Variants in TINAG observed in about 807,000 individuals in gnomAD.
TINAG encodes tubulointerstitial nephritis antigen.
Under a neutral mutation model 72.7 loss-of-function variants are expected in TINAG, and 83 were observed. The observed-to-expected ratio is 1.14, with a 90% confidence interval of 0.96 to 1.37. The LOEUF (loss-of-function observed/expected upper bound fraction) is 1.37, where lower values mean the gene tolerates loss of function less well. Among genes scored for constraint, TINAG ranks in the 40% most tolerant of loss-of-function variants. The pLI is 0.00. For synonymous variants in TINAG, 234 were observed against 189.9 expected (o/e 1.23, Z -1.91); for missense variants, 685 against 576.6 (o/e 1.19, Z -1.93).
At chr6:54,320,973 A>G (rs2150935713) in intron 2 of TINAG, among the ~76,000 whole-genome samples, 1 of 152,278 alleles carries the variant, frequency 6.6e-6, no homozygotes, top group South Asian at 2.1e-4. Flanking sequence ...AACTATATAA[A>G]AACAGGCTGC....
intron 6 of TINAG, among the ~76,000 whole-genome samples, chr6:54,349,087 T>C (rs12215230): frequency 0.38 from 57,532 of 151,792 alleles, 13,215 homozygotes; most frequent in Middle Eastern, 0.55. Context: ...ATCAAAATCA[T>C]TTTCTCTTTT....
chr6:54,339,622 TTACTC>T (rs915299622), intron 4 of TINAG, among the ~76,000 whole-genome samples: 18 of 152,110 alleles, frequency 1.2e-4, no homozygotes, highest in East Asian at 3.9e-4. Flanking sequence ...CATTAAAAGA[TTACTC>T]TATTATAAAA....
intron 4 of TINAG, among the ~76,000 whole-genome samples, chr6:54,331,006 A>G (rs1426599648): frequency 6.6e-6 from 1 of 152,200 alleles, no homozygotes. Flanking sequence ...AGACGAATTC[A>G]TAGCCAAATT....
chr6:54,354,229 C>G (rs189997865), intron 8 of TINAG, among the ~76,000 whole-genome samples: 6 of 151,722 alleles, frequency 4.0e-5, no homozygotes, highest in African/African-American at 1.5e-4. Context: ...TTGTTGCAAG[C>G]GCTTAATTTT....
intron 9 of TINAG, among the ~76,000 whole-genome samples, chr6:54,372,331 G>A (rs1427528995): frequency 6.6e-6 from 1 of 152,002 alleles, no homozygotes; most frequent in Non-Finnish European, 1.5e-5. Flanking sequence ...CAGATTTTGG[G>A]ATGCCTGTGA....
At chr6:54,365,759 C>G (rs575068884) in intron 9 of TINAG, among the ~76,000 whole-genome samples, 1 of 151,622 alleles carries the variant, frequency 6.6e-6, no homozygotes, top group Non-Finnish European at 1.5e-5. Flanking sequence ...ATTAGAGATT[C>G]AAATTTTGAG....
chr6:54,315,579 A>G (rs1204641732), intron 1 of TINAG, among the ~76,000 whole-genome samples: 3 of 152,106 alleles, frequency 2.0e-5, no homozygotes, highest in African/African-American at 7.2e-5. Flanking sequence ...TGGGAGGCTG[A>G]GGCAGGAGGA....
At chr6:54,332,089 A>G (rs1449851525) in intron 4 of TINAG, among the ~76,000 whole-genome samples, 1 of 152,186 alleles carries the variant, frequency 6.6e-6, no homozygotes, top group Non-Finnish European at 1.5e-5. Context: ...GCTACCATGG[A>G]CTTTCTTCAC....
intron 9 of TINAG, chr6:54,370,099 T>TA (rs1763559102): frequency 6.6e-6 from 1 of 151,894 alleles, no homozygotes. Flanking sequence ...AAACCAGGAC[T>TA]AAAAAAATGC....
At chr6:54,354,665 T>G (rs1396891585) in intron 9 of TINAG, 29 bp downstream of exon 9, 1 of 1,598,178 alleles carries the variant, frequency 6.3e-7, no homozygotes, top group Non-Finnish European at 8.5e-7. Context: ...ATTCATTTAA[T>G]TCTTTTGGAA....
intron 4 of TINAG, among the ~76,000 whole-genome samples, chr6:54,338,719 C>CAAAAAAAA (rs57231980): frequency 1.8e-5 from 1 of 56,978 alleles, no homozygotes; most frequent in Non-Finnish European, 3.4e-5. Context: ...GACTCTGTCT[C>CAAAAAAAA]AAAAAAAAAA....
At chr6:54,337,175 G>A (rs1784884827) in intron 4 of TINAG, among the ~76,000 whole-genome samples, 1 of 151,002 alleles carries the variant, frequency 6.6e-6, no homozygotes, top group Non-Finnish European at 1.5e-5. Flanking sequence ...CAAGTACTGA[G>A]GCATAAGAAA....
intron 10 of TINAG, among the ~76,000 whole-genome samples, chr6:54,384,757 A>G (rs1342248411): frequency 6.6e-6 from 1 of 152,208 alleles, no homozygotes; most frequent in Admixed American, 6.5e-5. Flanking sequence ...ATATTTAAAC[A>G]TATCTCAGTA....
intron 9 of TINAG, among the ~76,000 whole-genome samples, chr6:54,358,928 C>T (rs1285781454): frequency 6.6e-6 from 1 of 151,780 alleles, no homozygotes; most frequent in Non-Finnish European, 1.5e-5. Context: ...AGGGGTGTTT[C>T]TAGACTGCAT....
chr6:54,336,378 T>C (rs1481727050), intron 4 of TINAG, among the ~76,000 whole-genome samples: 15 of 152,144 alleles, frequency 9.9e-5, no homozygotes, highest in Non-Finnish European at 1.5e-5. Flanking sequence ...CAGCATTTTC[T>C]TTTATAAAGA....
At chr6:54,343,478 A>G in intron 5 of TINAG, 129 bp downstream of exon 5, 1 of 969,112 alleles carries the variant, frequency 1.0e-6, no homozygotes, top group Non-Finnish European at 1.3e-6. Flanking sequence ...AAATCTCATT[A>G]TGATGGAAGA....
At chr6:54,332,996 G>A (rs1365700584) in intron 4 of TINAG, among the ~76,000 whole-genome samples, 3 of 152,136 alleles carry the variant, frequency 2.0e-5, no homozygotes, top group Non-Finnish European at 4.4e-5. Flanking sequence ...TGGAGAAATA[G>A]GAATGCTTTT....
intron 9 of TINAG, among the ~76,000 whole-genome samples, chr6:54,373,442 T>C (rs2150977601): frequency 6.6e-6 from 1 of 152,266 alleles, no homozygotes; most frequent in Non-Finnish European, 1.5e-5. Context: ...TTCTACTCTT[T>C]TTCTGCCTTT....
At chr6:54,357,731 C>G (rs1216238769) in intron 9 of TINAG, among the ~76,000 whole-genome samples, 2 of 152,026 alleles carry the variant, frequency 1.3e-5, no homozygotes, top group Middle Eastern at 3.4e-3. Context: ...CCTAAGCCAC[C>G]ATTGCCTGTT....
Sources: allele counts gnomAD v4.1 joint callset (sites outside exome capture counted in the v4.1 genomes callset), GRCh38; gene constraint gnomAD v4.1.1; transcripts MANE v1.5; gene names NCBI Gene and HGNC (gene_info 2026-07-23, HGNC 2026-07-21).